The following PIP5K1A variants were observed in gnomAD, a reference collection of about 807,000 sequenced individuals.
PIP5K1A encodes the protein phosphatidylinositol 4-phosphate 5-kinase type-1 alpha.
Under a neutral mutation model 72.9 loss-of-function variants are expected in PIP5K1A, and 46 were observed. The ratio of observed to expected loss-of-function variants is 0.63; its 90% CI spans 0.50 to 0.81. The LOEUF (loss-of-function observed/expected upper bound fraction) is 0.81. Ranked by LOEUF, PIP5K1A falls within the 30% of genes least tolerant of loss-of-function variation. The pLI is 0.00. For synonymous variants in PIP5K1A, 228 were observed against 255.1 expected, an observed-to-expected ratio of 0.89 and a Z score of 1.01; for missense variants, 458 against 706.1, an observed-to-expected ratio of 0.65 and a Z score of 3.98.
intron 1 of PIP5K1A, among the ~76,000 whole-genome samples, chr1:151,218,406 G>C (rs973168848): frequency 1.3e-5 from 2 of 152,260 alleles, no homozygotes; most frequent in East Asian, 3.9e-4. Flanking sequence ...CAAGGAAAAA[G>C]GGGGTACCTT....
intron 1 of PIP5K1A, among the ~76,000 whole-genome samples, chr1:151,222,105 A>G (rs1313913087): frequency 6.6e-6 from 1 of 152,070 alleles, no homozygotes; most frequent in Non-Finnish European, 1.5e-5. Context: ...AAAAAATTAC[A>G]TATATTTTTT....
At chr1:151,212,336 TCC>T (rs1462393851) in intron 1 of PIP5K1A, among the ~76,000 whole-genome samples, 1 of 152,172 alleles carries the variant, frequency 6.6e-6, no homozygotes, top group Non-Finnish European at 1.5e-5. Context: ...GATTTTCACT[TCC>T]TTTACATTTT....
At chr1:151,237,422 A>G (rs1691047376) in intron 9 of PIP5K1A, among the ~76,000 whole-genome samples, 1 of 152,232 alleles carries the variant, frequency 6.6e-6, no homozygotes, top group Non-Finnish European at 1.5e-5. Context: ...ACACTTTGGA[A>G]GGCTGAGGCA....
At chr1:151,199,905 C>A (rs745806601) in intron 1 of PIP5K1A, among the ~76,000 whole-genome samples, 9 of 151,954 alleles carry the variant, frequency 5.9e-5, no homozygotes, top group Admixed American at 1.3e-4. Flanking sequence ...GATACTCCCC[C>A]CTAATGTGTC....
At chr1:151,229,178 A>AAAG (rs1689633010) in intron 4 of PIP5K1A, among the ~76,000 whole-genome samples, 1 of 145,928 alleles carries the variant, frequency 6.9e-6, no homozygotes, top group Non-Finnish European at 1.5e-5. Flanking sequence ...AAAAAAAAAA[A>AAAG]AAAAAAAAAA....
intron 4 of PIP5K1A, among the ~76,000 whole-genome samples, chr1:151,228,750 A>G (rs587611611): frequency 6.6e-6 from 1 of 152,128 alleles, no homozygotes; most frequent in Non-Finnish European, 1.5e-5. Flanking sequence ...TTTCTGGCCT[A>G]TGTAAATTTT....
At chr1:151,240,653 T>C (rs1173298282) in intron 12 of PIP5K1A, among the ~76,000 whole-genome samples, 3 of 152,080 alleles carry the variant, frequency 2.0e-5, no homozygotes, top group Non-Finnish European at 4.4e-5. Flanking sequence ...CCAGGCTGGG[T>C]GCAGTATCTC....
chr1:151,224,061 T>C lies in PIP5K1A; in HGVS notation c.86-184T>C, dbSNP rs1688768515. 4 of 625,306 alleles carry C rather than the reference T, an allele frequency of 6.4e-6. No individual in the cohort carries two copies. In the East Asian group the frequency reaches 1.1e-4, roughly 17 times the overall value. 38.7% of individuals were successfully genotyped at this position (625,306 alleles called of 1,614,324 possible). On this transcript the variant is annotated intron_variant, in intron 1 of 15. Transcript: ENST00000368888. ...AAAAATGGAATATGCACGAGGCCTA[T>C]GTGAGTATGGAGAAGGAGAGAGGGA...
At chr1:151,246,806 T>G in intron 14 of PIP5K1A, 114 bp from the exon 15 acceptor site, 1 of 723,994 alleles carries the variant, frequency 1.4e-6, no homozygotes, top group Non-Finnish European at 2.3e-6. Flanking sequence ...TTCCAAATTC[T>G]AAATTGATTC....
At chr1:151,243,543 A>C (rs1692065970) in intron 14 of PIP5K1A, among the ~76,000 whole-genome samples, 1 of 152,200 alleles carries the variant, frequency 6.6e-6, no homozygotes, top group African/African-American at 2.4e-5. Context: ...AAAATCCAGG[A>C]AATGTTGGAG....
intron 1 of PIP5K1A, among the ~76,000 whole-genome samples, chr1:151,211,714 G>A (rs1406305689): frequency 1.3e-5 from 2 of 151,806 alleles, no homozygotes; most frequent in Admixed American, 6.6e-5. Context: ...GCTGAGGCGG[G>A]AGAATGGCAT....
At chr1:151,198,132 C>A, upstream of PIP5K1A, 1 of 468,652 alleles carries the variant, frequency 2.1e-6, no homozygotes, top group South Asian at 1.6e-5. Flanking sequence ...GACATGCACG[C>A]ACGTTTAATC....
rs181518939 is a variant in PIP5K1A, at chr1:151,216,429, A to G, written c.86-7816A>G. Reference sequence around the variant, plus strand: ...CTTCTAAGAAGGCTGTGGATGCCTTAAAAGCATTATTTGACGCTGGCTCCC... The same window carrying G: ...CTTCTAAGAAGGCTGTGGATGCCTTGAAAGCATTATTTGACGCTGGCTCCC... On this transcript the variant is annotated intron_variant, in intron 1 of 15. Transcript: ENST00000368888. Among the ~76,000 whole-genome samples the G allele has an allele frequency of 1.7e-3, 258 of 151,920 alleles. 1 individual carries two copies. The highest frequency in any genetic ancestry group is 6.0e-3 in the African/African-American group (250 of 41,430).
Position 151,203,566 on chromosome 1 carries a change from C to T in PIP5K1A, c.85+4485C>T, listed in dbSNP as rs587695781. On this transcript the variant is annotated intron_variant, in intron 1 of 15. Coordinates refer to ENST00000368888, the MANE Select transcript of PIP5K1A (RefSeq NM_001135638.2). ...AAAGGCCAGGAGCAGTAGCTCACGC[C>T]TGTAATCCCAGCACTTTGGGAGGCC... 5.9e-5 allele frequency among the ~76,000 whole-genome samples: 9 copies of T among 151,810 alleles called. No homozygotes were observed. The East Asian group carries it at 1.7e-3, about 29-fold the overall frequency.
At chr1:151,212,005 G>A (rs1228240293) in intron 1 of PIP5K1A, among the ~76,000 whole-genome samples, 1 of 151,886 alleles carries the variant, frequency 6.6e-6, no homozygotes, top group Non-Finnish European at 1.5e-5. Flanking sequence ...CTAGCTATTC[G>A]GGAGGCTGAG....
intron 14 of PIP5K1A, among the ~76,000 whole-genome samples, chr1:151,244,618 T>C (rs745739070): frequency 2.4e-4 from 37 of 152,220 alleles, no homozygotes; most frequent in Non-Finnish European, 5.0e-4. Context: ...ATCGCGCCAC[T>C]GGACTCTAGC....
chr1:151,232,039 A>C (rs1211214978), intron 5 of PIP5K1A, among the ~76,000 whole-genome samples: 1 of 152,100 alleles, frequency 6.6e-6, no homozygotes, highest in East Asian at 1.9e-4. Flanking sequence ...ATTGGATAGG[A>C]GGCAGTGTGA....
rs190850324 is a variant in PIP5K1A, at chr1:151,202,565, C to T, written c.85+3484C>T. 3.3e-3 allele frequency among the ~76,000 whole-genome samples: 487 copies of T among 147,702 alleles called. 1 individual carries two copies. The highest frequency in any genetic ancestry group is 4.7e-3 in the Non-Finnish European group (315 of 66,844). On this transcript the variant is annotated intron_variant, in intron 1 of 15. Coordinates refer to ENST00000368888, the MANE Select transcript of PIP5K1A (RefSeq NM_001135638.2). ...TTGGCTCATTGCAGCCTCAGCCTCCCGGGTTCAAGCGAGTTGCCTGCTCAG... is the reference window on the plus strand; with the variant it reads ...TTGGCTCATTGCAGCCTCAGCCTCCTGGGTTCAAGCGAGTTGCCTGCTCAG...
chr1:151,199,321 G>A, intron 1 of PIP5K1A: 2 of 724,954 alleles, frequency 2.8e-6, no homozygotes, highest in East Asian at 2.9e-5. Context: ...ATTGAAGGTG[G>A]GGGTAGGGTG....
Sources: allele counts gnomAD v4.1 joint callset (sites outside exome capture counted in the v4.1 genomes callset), GRCh38; gene constraint gnomAD v4.1.1; transcripts MANE v1.5; gene names NCBI Gene and HGNC (gene_info 2026-07-23, HGNC 2026-07-21).